The following RAB38 variants were observed in gnomAD, a reference collection of about 807,000 sequenced individuals.
The protein encoded by RAB38 is RAB38, member RAS oncogene family.
Under a neutral mutation model 18.4 loss-of-function variants are expected in RAB38, and 15 were observed. That is an observed-to-expected ratio of 0.82 (90% CI 0.55 to 1.26). RAB38 has a LOEUF of 1.26. Ranked by LOEUF, RAB38 falls within the 50% of genes most tolerant of loss-of-function variation. The pLI is 0.00. For missense variants in RAB38, 294 were observed against 267.4 expected (o/e 1.10, Z -0.69); for synonymous variants, 101 against 104.4 (o/e 0.97, Z 0.20).
the RAB38 span, among the ~76,000 whole-genome samples, chr11:87,922,927 A>G: frequency 1.3e-5 from 2 of 151,542 alleles, no homozygotes; most frequent in African/African-American, 4.8e-5. Context: ...GGAAAAAAGA[A>G]AAGGGAATCA....
chr11:88,118,502 T>C (rs1801529335), intron 2 of RAB38, among the ~76,000 whole-genome samples: 1 of 152,246 alleles, frequency 6.6e-6, no homozygotes, highest in South Asian at 2.1e-4. Context: ...AGCCCACATT[T>C]TCTGGGTGAT....
Position 88,149,896 on chromosome 11 carries a change from T to C in RAB38, c.262A>G (p.Ile88Val). The stretch of plus-strand genomic sequence containing the variant: ...GCTGGCCTGGTGACATCGAAGACAA[T>C]AAATGCACCCATAGCTTCTCGGTAA... ...VYYREAMGAF[I>V]VFDVTRPATF... Residue 88 changes from isoleucine (I) to valine (V), a missense_variant, in exon 2 of 3, where the codon ATT becomes GTT. Coordinates refer to ENST00000243662, the MANE Select transcript of RAB38 (RefSeq NM_022337.3). 1 of 1,614,088 alleles carries C rather than the reference T, an allele frequency of 6.2e-7. No homozygotes were observed. Among genetic ancestry groups the C allele is most frequent in the Non-Finnish European group, 8.5e-7 (1 of 1,179,962 alleles).
the RAB38 span, among the ~76,000 whole-genome samples, chr11:87,933,252 G>T: frequency 6.6e-6 from 1 of 152,088 alleles, no homozygotes; most frequent in Non-Finnish European, 1.5e-5. Flanking sequence ...AACATATAGT[G>T]GGCTTTTTGT....
intron 2 of RAB38, among the ~76,000 whole-genome samples, chr11:88,127,478 C>T (rs10830242): frequency 0.34 from 51,480 of 152,030 alleles, 8,897 homozygotes; most frequent in Middle Eastern, 0.39. Context: ...AACTACTGAT[C>T]TGGAAATAGT....
At chr11:88,143,662 T>C (rs936802419) in intron 2 of RAB38, among the ~76,000 whole-genome samples, 2 of 152,204 alleles carry the variant, frequency 1.3e-5, no homozygotes, top group African/African-American at 4.8e-5. Flanking sequence ...AAAACACGAC[T>C]TTGAGCAAAG....
chr11:87,907,661 T>G, the RAB38 span, among the ~76,000 whole-genome samples: 1 of 151,674 alleles, frequency 6.6e-6, no homozygotes, highest in Non-Finnish European at 1.5e-5. Flanking sequence ...AGTATTTAAA[T>G]ATTTTAGTCA....
At chr11:87,928,121 G>C in the RAB38 span, among the ~76,000 whole-genome samples, 1 of 151,736 alleles carries the variant, frequency 6.6e-6, no homozygotes, top group Non-Finnish European at 1.5e-5. Context: ...AAAGAAAGAA[G>C]GAAGAGAGAG....
At chr11:88,076,030 A>T in the RAB38 span, among the ~76,000 whole-genome samples, 1 of 151,588 alleles carries the variant, frequency 6.6e-6, no homozygotes, top group African/African-American at 2.4e-5. Flanking sequence ...AATTGAAAAT[A>T]ATAAAATAAA....
At chr11:88,025,058 G>T in the RAB38 span, among the ~76,000 whole-genome samples, 8 of 152,004 alleles carry the variant, frequency 5.3e-5, no homozygotes, top group South Asian at 1.7e-3. Flanking sequence ...TGCTTCAGGG[G>T]ATGAATATCC....
the RAB38 span, among the ~76,000 whole-genome samples, chr11:87,851,261 C>T: frequency 6.6e-6 from 1 of 152,120 alleles, no homozygotes; most frequent in Non-Finnish European, 1.5e-5. Context: ...ACTTGTAGAC[C>T]CCTTAAAAAC....
At chr11:88,141,619 C>A (rs2134813211) in intron 2 of RAB38, among the ~76,000 whole-genome samples, 1 of 152,308 alleles carries the variant, frequency 6.6e-6, no homozygotes, top group South Asian at 2.1e-4. Flanking sequence ...TGAGTTCAGA[C>A]TTCTACAGTC....
the RAB38 span, among the ~76,000 whole-genome samples, chr11:88,012,638 G>A: frequency 0.021 from 3,142 of 152,122 alleles, 113 homozygotes; most frequent in African/African-American, 0.072. Flanking sequence ...TCTTAACACA[G>A]AAATTACATG....
chr11:87,846,343 C>A, the RAB38 span, among the ~76,000 whole-genome samples: 1 of 151,860 alleles, frequency 6.6e-6, no homozygotes, highest in African/African-American at 2.4e-5. Context: ...TATGCTGCTA[C>A]AAGAGCTAAA....
the RAB38 span, among the ~76,000 whole-genome samples, chr11:87,895,099 T>A: frequency 6.6e-6 from 1 of 151,478 alleles, no homozygotes; most frequent in African/African-American, 2.4e-5. Context: ...TGAATTTGTT[T>A]AAAAGGAAGC....
At chr11:87,953,857 T>G in the RAB38 span, among the ~76,000 whole-genome samples, 11 of 138,936 alleles carry the variant, frequency 7.9e-5, 1 homozygote, top group African/African-American at 3.2e-4. Context: ...GTTTTAGTGT[T>G]TTTTTTTTTT....
At chr11:87,864,665 G>C in the RAB38 span, among the ~76,000 whole-genome samples, 1 of 151,734 alleles carries the variant, frequency 6.6e-6, no homozygotes, top group Non-Finnish European at 1.5e-5. Flanking sequence ...CACATAGCTA[G>C]TGAGTGTCAG....
At chr11:88,165,430 AT>A (rs1943234891) in intron 1 of RAB38, 1 of 152,150 alleles carries the variant, frequency 6.6e-6, no homozygotes, top group Non-Finnish European at 1.5e-5. Flanking sequence ...AAATAAAATA[AT>A]GCATATGAAT....
chr11:88,133,768 C>T lies in RAB38; in HGVS notation c.483+15907G>A, dbSNP rs112440940. ...TCCAAAATCTTCCCAGTTTACTACT[C>T]AGAAGAATAGCATAGAAAAAAAAGA... On this transcript the variant is annotated intron_variant, in intron 2 of 2. Transcript: ENST00000243662. Among the ~76,000 whole-genome samples the T allele has an allele frequency of 6.4e-4, 98 of 152,210 alleles. 1 individual carries two copies. Among genetic ancestry groups the T allele is most frequent in the Middle Eastern group, 3.4e-3 (1 of 294 alleles).
the RAB38 span, among the ~76,000 whole-genome samples, chr11:87,952,743 G>T: frequency 2.6e-5 from 4 of 152,288 alleles, no homozygotes; most frequent in South Asian, 2.1e-4. Context: ...ATATTTAATA[G>T]AAGAGGTTGC....
Sources: gnomAD v4.1 joint callset for allele counts (sites outside exome capture counted in the v4.1 genomes callset) on GRCh38, gnomAD v4.1.1 for gene constraint, MANE v1.5 for transcripts, NCBI Gene and HGNC (gene_info 2026-07-23, HGNC 2026-07-21) for gene names.